Variants in RHOBTB3 observed in about 807,000 individuals in gnomAD.
RHOBTB3 encodes rho-related BTB domain-containing protein 3.
Under a neutral mutation model 67.2 loss-of-function variants are expected in RHOBTB3, and 47 were observed. The ratio of observed to expected loss-of-function variants is 0.70; its 90% confidence interval spans 0.55 to 0.89. The LOEUF (loss-of-function observed/expected upper bound fraction) is 0.89, where lower values mean the gene tolerates loss of function less well. Among genes scored for constraint, RHOBTB3 ranks in the 40% least tolerant of loss-of-function variants. The pLI is 0.00. For missense variants in RHOBTB3, 631 were observed against 750.0 expected (o/e 0.84, Z 1.85); for synonymous variants, 273 against 274.2 (o/e 1.00, Z 0.04).
intron 1 of RHOBTB3, among the ~76,000 whole-genome samples, chr5:95,720,915 C>G (rs10042821): frequency 1.3e-5 from 2 of 152,050 alleles, no homozygotes. Context: ...CATATTTTAC[C>G]GAAGAAAAGG....
upstream of RHOBTB3, among the ~76,000 whole-genome samples, chr5:95,727,055 T>C (rs1755076135): frequency 6.6e-6 from 1 of 152,224 alleles, no homozygotes; most frequent in African/African-American, 2.4e-5. Flanking sequence ...TTGAAGACTC[T>C]GGCTCTAGAT....
chr5:95,750,351 C>G (rs913318130), intron 4 of RHOBTB3, among the ~76,000 whole-genome samples: 6 of 152,242 alleles, frequency 3.9e-5, no homozygotes, highest in Non-Finnish European at 7.3e-5. Flanking sequence ...TTGTGCCCAC[C>G]TGGAGCTGGT....
intron 7 of RHOBTB3, 56 bp from the exon 8 acceptor site, chr5:95,767,990 T>C (rs1045333406): frequency 7.1e-6 from 11 of 1,546,864 alleles, no homozygotes; most frequent in African/African-American, 2.7e-5. Context: ...GCCTAGCCTA[T>C]ATGTTATCAA....
chr5:95,718,796 G>A (rs1754768494), intron 1 of RHOBTB3, among the ~76,000 whole-genome samples: 1 of 152,188 alleles, frequency 6.6e-6, no homozygotes, highest in African/African-American at 2.4e-5. Context: ...AATCTCAGTT[G>A]GATAGGGAAG....
chr5:95,758,266 T>C (rs1389196104), intron 6 of RHOBTB3, among the ~76,000 whole-genome samples: 2 of 152,216 alleles, frequency 1.3e-5, no homozygotes, highest in Non-Finnish European at 2.9e-5. Flanking sequence ...AAAAAAGTTA[T>C]CCTTCTACCC....
intron 4 of RHOBTB3, among the ~76,000 whole-genome samples, chr5:95,748,899 G>A (rs1416838769): frequency 3.3e-5 from 5 of 152,150 alleles, no homozygotes; most frequent in South Asian, 2.1e-4. Flanking sequence ...TTCTTCCTCT[G>A]TGTGTGCTTT....
intron 6 of RHOBTB3, among the ~76,000 whole-genome samples, chr5:95,758,947 G>A (rs1410596211): frequency 6.6e-6 from 1 of 152,232 alleles, no homozygotes; most frequent in African/African-American, 2.4e-5. Flanking sequence ...AGGCTACCAA[G>A]TTAACAGCTT....
intron 5 of RHOBTB3, among the ~76,000 whole-genome samples, chr5:95,754,322 G>A (rs1037920841): frequency 1.3e-5 from 2 of 152,186 alleles, no homozygotes; most frequent in African/African-American, 2.4e-5. Flanking sequence ...GGGCTGATTT[G>A]TTCCAAGGAC....
intron 1 of RHOBTB3, among the ~76,000 whole-genome samples, chr5:95,718,595 C>T (rs1412096975): frequency 6.6e-6 from 1 of 152,178 alleles, no homozygotes; most frequent in Non-Finnish European, 1.5e-5. Context: ...ATACCAAATG[C>T]TCAATTGAAG....
rs764900657 is a variant in RHOBTB3, at chr5:95,732,053, T to G, written c.197T>G (p.Val66Gly). The change falls in exon 2 of 12, where the codon GTC (valine) becomes GGC (glycine). Residue 66 changes from valine to glycine, a missense_variant. Val to Gly is a moderately radical substitution (Grantham distance 109). Transcript: ENST00000379982. ...TEYQASAFGN[V>G]KLVVHDCPVW... ...TATCAGGCCAGTGCGTTTGGGAATG[T>G]CAAGCTGGTGGTCCACGACTGTCCC... 6.2e-7 allele frequency: 1 copy of G among 1,614,220 alleles called. No individual in the cohort carries two copies. Among genetic ancestry groups the G allele is most frequent in the East Asian group, 2.2e-5 (1 of 44,884 alleles).
chr5:95,760,132 T>G (rs1745356597), intron 6 of RHOBTB3, among the ~76,000 whole-genome samples: 1 of 152,210 alleles, frequency 6.6e-6, no homozygotes, highest in South Asian at 2.1e-4. Context: ...CTATTCCTAT[T>G]CAAATTTTTG....
At chr5:95,761,830 C>T (rs1745404364) in intron 6 of RHOBTB3, among the ~76,000 whole-genome samples, 1 of 152,180 alleles carries the variant, frequency 6.6e-6, no homozygotes, top group South Asian at 2.1e-4. Context: ...GGGGTTCTTA[C>T]ACTCTCACAT....
chr5:95,741,388 G>A (rs557621649), intron 3 of RHOBTB3, among the ~76,000 whole-genome samples: 1 of 150,842 alleles, frequency 6.6e-6, no homozygotes, highest in Non-Finnish European at 1.5e-5. Flanking sequence ...TTCCCCGGTT[G>A]TTTCCTTATA....
chr5:95,725,684 T>TGAGCTCC (rs1755032955), intron 1 of RHOBTB3, among the ~76,000 whole-genome samples: 1 of 152,262 alleles, frequency 6.6e-6, no homozygotes, highest in Admixed American at 6.5e-5. Flanking sequence ...TTACTACTTG[T>TGAGCTCC]ATAACCTCTT....
At chr5:95,738,609 A>G (rs1207122046) in intron 3 of RHOBTB3, among the ~76,000 whole-genome samples, 3 of 151,820 alleles carry the variant, frequency 2.0e-5, no homozygotes, top group Non-Finnish European at 4.4e-5. Flanking sequence ...GCTCTCTTGT[A>G]CTTCTGCCTT....
Position 95,731,582 on chromosome 5 carries a change from G to A in RHOBTB3, c.-101G>A. 8 of 1,560,420 alleles carry A rather than the reference G, an allele frequency of 5.1e-6. No individual in the cohort carries two copies. In the South Asian group the frequency reaches 7.0e-5, roughly 14 times the overall value. The stretch of plus-strand genomic sequence containing the variant: ...GAGGCGCGCGAGGGGGACGCGGCCG[G>A]GGATGAGCGGATTGCGGGTGAACTC... On this transcript the variant is annotated 5_prime_UTR_variant, in exon 1 of 12. Transcript: ENST00000379982.
intron 1 of RHOBTB3, among the ~76,000 whole-genome samples, chr5:95,721,570 T>C (rs1016876787): frequency 1.3e-5 from 2 of 151,942 alleles, no homozygotes; most frequent in Non-Finnish European, 2.9e-5. Context: ...CACAAATGCA[T>C]ATGTTTTAAT....
intron 2 of RHOBTB3, 193 bp downstream of exon 2, chr5:95,732,277 T>G (rs1755305340): frequency 1.6e-6 from 1 of 626,366 alleles, no homozygotes; most frequent in East Asian, 2.7e-5. Flanking sequence ...AGAACACTCT[T>G]AGGAAGATAG....
chr5:95,718,265 A>G (rs547120178), intron 1 of RHOBTB3, among the ~76,000 whole-genome samples: 1 of 152,318 alleles, frequency 6.6e-6, no homozygotes, highest in East Asian at 1.9e-4. Flanking sequence ...CAGTAGAGAG[A>G]TAAGAGTTGA....
Sources: gnomAD v4.1 joint callset for allele counts (sites outside exome capture counted in the v4.1 genomes callset) on GRCh38, gnomAD v4.1.1 for gene constraint, MANE v1.5 for transcripts, NCBI Gene and HGNC (gene_info 2026-07-23, HGNC 2026-07-21) for gene names.